STAU2: variants seen among roughly 807,000 people sequenced by gnomAD.
STAU2 encodes the protein staufen double-stranded RNA binding protein 2.
A neutral mutation model predicts 65.9 loss-of-function variants in STAU2; 20 were observed. The ratio of observed to expected loss-of-function variants is 0.30; its 90% confidence interval spans 0.21 to 0.44. The LOEUF is 0.44. Ranked by LOEUF, STAU2 falls within the 20% of genes least tolerant of loss-of-function variation. The pLI is 1.00. For missense variants in STAU2, 558 were observed against 683.9 expected, an observed-to-expected ratio of 0.82 and a Z score of 2.05; for synonymous variants, 232 against 233.9, an observed-to-expected ratio of 0.99 and a Z score of 0.07.
intron 13 of STAU2, among the ~76,000 whole-genome samples, chr8:73,537,424 G>C (rs1230673552): frequency 6.6e-6 from 1 of 152,122 alleles, no homozygotes; most frequent in Non-Finnish European, 1.5e-5. Flanking sequence ...CAAATCAACA[G>C]ACAATCAAGC....
intron 5 of STAU2, among the ~76,000 whole-genome samples, chr8:73,679,109 CAAAT>C (rs1202399643): frequency 2.6e-5 from 4 of 152,264 alleles, no homozygotes; most frequent in East Asian, 1.9e-4. Flanking sequence ...AATCAGTTAA[CAAAT>C]GAATGAGTAA....
intron 13 of STAU2, among the ~76,000 whole-genome samples, chr8:73,442,953 A>G (rs1265149344): frequency 6.6e-6 from 1 of 152,258 alleles, no homozygotes; most frequent in Non-Finnish European, 1.5e-5. Context: ...GAAGCAAGAT[A>G]GAAAGGAGAA....
At chr8:73,517,836 A>G (rs542430350) in intron 13 of STAU2, among the ~76,000 whole-genome samples, 1 of 152,350 alleles carries the variant, frequency 6.6e-6, no homozygotes, top group African/African-American at 2.4e-5. Flanking sequence ...TGTGTGCACA[A>G]TATCACTGGA....
chr8:73,625,627 G>A (rs149463260), intron 6 of STAU2, among the ~76,000 whole-genome samples: 2 of 152,236 alleles, frequency 1.3e-5, no homozygotes, highest in East Asian at 3.9e-4. Context: ...ATTAGACCAC[G>A]GTGATGGCTG....
chr8:73,421,555 G>A, intron 14 of STAU2, 90 bp from the exon 15 acceptor site: 1 of 1,222,168 alleles, frequency 8.2e-7, no homozygotes, highest in Non-Finnish European at 1.2e-6. Context: ...AGGATTCAAA[G>A]GTCACCACAA....
intron 13 of STAU2, among the ~76,000 whole-genome samples, chr8:73,486,798 G>T (rs1471951063): frequency 2.0e-5 from 3 of 151,316 alleles, no homozygotes; most frequent in Non-Finnish European, 4.4e-5. Flanking sequence ...GACTACAGGC[G>T]TGTGCCACCA....
chr8:73,422,840 C>G (rs1563580341), intron 13 of STAU2, 138 bp from the exon 14 acceptor site: 1 of 548,986 alleles, frequency 1.8e-6, no homozygotes, highest in African/African-American at 2.0e-5. Context: ...CAAAAGTACA[C>G]TAGAAAGTCT....
intron 13 of STAU2, chr8:73,550,606 A>G: frequency 1.0e-6 from 1 of 978,398 alleles, no homozygotes; most frequent in South Asian, 4.7e-5. Context: ...TAGAACTAAA[A>G]ATTACTTAGC....
intron 13 of STAU2, among the ~76,000 whole-genome samples, chr8:73,523,196 C>CAAAAAAAAAAAA (rs763732188): frequency 3.8e-5 from 3 of 78,636 alleles, no homozygotes; most frequent in Admixed American, 1.4e-4. Flanking sequence ...ACTTTGTCTC[C>CAAAAAAAAAAAA]AAAAAAAAAA....
intron 13 of STAU2, chr8:73,527,945 A>T: frequency 2.0e-6 from 1 of 491,386 alleles, no homozygotes; most frequent in South Asian, 4.1e-5. Context: ...AATATCTGGG[A>T]CTTGAATTGA....
At chr8:73,452,319 A>G (rs559998209) in intron 13 of STAU2, among the ~76,000 whole-genome samples, 2 of 152,288 alleles carry the variant, frequency 1.3e-5, no homozygotes, top group African/African-American at 4.8e-5. Context: ...AGGAGGCTCA[A>G]AGGGCCCATT....
At chr8:73,628,768 G>A (rs79206382) in intron 6 of STAU2, among the ~76,000 whole-genome samples, 1,540 of 152,224 alleles carry the variant, frequency 0.01, 24 homozygotes, top group African/African-American at 0.035. Context: ...ACTCTTTTTC[G>A]ATAAATTAAT....
chr8:73,602,082 C>T (rs904773504), intron 10 of STAU2, among the ~76,000 whole-genome samples: 1 of 151,872 alleles, frequency 6.6e-6, no homozygotes, highest in Admixed American at 6.6e-5. Context: ...AGTGACTTAT[C>T]TATGACTACA....
At chr8:73,714,438 T>C (rs1821106611) in intron 3 of STAU2, among the ~76,000 whole-genome samples, 1 of 152,184 alleles carries the variant, frequency 6.6e-6, no homozygotes. Context: ...CAAGCAAAAT[T>C]ATCGACAAAC....
At chr8:73,732,779 C>T (rs577514583) in intron 3 of STAU2, 3 of 152,310 alleles carry the variant, frequency 2.0e-5, no homozygotes, top group African/African-American at 7.2e-5. Flanking sequence ...CCCCCAAATA[C>T]TTCACTCAAT....
At chr8:73,437,469 G>A (rs1317280716) in intron 13 of STAU2, among the ~76,000 whole-genome samples, 5 of 152,096 alleles carry the variant, frequency 3.3e-5, no homozygotes, top group Admixed American at 6.5e-5. Context: ...GCAAGGAAAC[G>A]GCTTCTCCCC....
chr8:73,746,879 T>TA, upstream of STAU2: 2 of 1,162,630 alleles, frequency 1.7e-6, no homozygotes, highest in Non-Finnish European at 2.1e-6. Flanking sequence ...CCCCTCGGGC[T>TA]CCCCGCCCCC....
intron 13 of STAU2, among the ~76,000 whole-genome samples, chr8:73,462,532 ACCACAGACATGCACTACTATGC>A: frequency 6.6e-6 from 1 of 152,068 alleles, no homozygotes; most frequent in South Asian, 2.1e-4. Context: ...AGTAGCTGGG[ACCACAGACATGCACTACTATGC>A]CCAGCTAATT....
chr8:73,670,735 ATAAATATCT>A (rs1418333323), intron 6 of STAU2, among the ~76,000 whole-genome samples: 13 of 152,304 alleles, frequency 8.5e-5, no homozygotes, highest in African/African-American at 3.1e-4. Flanking sequence ...TATGGACTAA[ATAAATATCT>A]TCCCTACACA....
Sources: gnomAD v4.1 joint callset for allele counts (sites outside exome capture counted in the v4.1 genomes callset) on GRCh38, gnomAD v4.1.1 for gene constraint, MANE v1.5 for transcripts, NCBI Gene and HGNC (gene_info 2026-07-23, HGNC 2026-07-21) for gene names.